Variants in ZNF236 observed in about 807,000 individuals in gnomAD.
ZNF236 encodes regulated by glucose.
ZNF236 carries 50 observed loss-of-function variants against 191.2 expected under a neutral mutation model. That is an observed-to-expected ratio of 0.26 (90% CI 0.21 to 0.33). The LOEUF is 0.33. ZNF236 is among the 10% of genes least tolerant of loss of function. ZNF236 has a pLI of 1.00. For synonymous variants in ZNF236, 907 were observed against 928.8 expected (o/e 0.98, Z 0.43); for missense variants, 1,754 against 2,374.5 (o/e 0.74, Z 5.43).
In ZNF236 at chr18:76,951,882, T is replaced by C. The variant is rs1968418449; in HGVS notation, c.4915-4103T>C. ...GTGGGATCATTAATTGGCCTCATTT[T>C]AGTATTGTTGTGTCTCAGAGAATAG... On this transcript the variant is annotated intron_variant, in intron 27 of 30. Transcript: ENST00000320610. Among the ~76,000 whole-genome samples the C allele has an allele frequency of 2.6e-5, 4 of 152,328 alleles. No homozygotes were observed. In the South Asian group the frequency reaches 8.3e-4, roughly 32 times the overall value.
At chr18:76,956,889 C>T (rs113511264) in intron 28 of ZNF236, among the ~76,000 whole-genome samples, 9 of 152,312 alleles carry the variant, frequency 5.9e-5, no homozygotes, top group African/African-American at 2.2e-4. Flanking sequence ...CTAGCCAGCA[C>T]CACTCCAGCC....
chr18:76,908,703 T>G, intron 14 of ZNF236, 130 bp downstream of exon 14: 1 of 1,182,668 alleles, frequency 8.5e-7, no homozygotes, highest in Non-Finnish European at 1.2e-6. Flanking sequence ...TGAAAGAGAT[T>G]GAATTGAGTA....
chr18:76,884,059 G>A (rs1881572383), intron 9 of ZNF236, among the ~76,000 whole-genome samples: 1 of 152,176 alleles, frequency 6.6e-6, no homozygotes, highest in African/African-American at 2.4e-5. Context: ...TGCTTTTATA[G>A]TTATCATGCA....
chr18:76,904,543 T>A (rs1977687743), intron 12 of ZNF236, 22 bp downstream of exon 12: 1 of 1,557,990 alleles, frequency 6.4e-7, no homozygotes, highest in Non-Finnish European at 8.7e-7. Context: ...GATTCACAGA[T>A]GGAAATTTAG....
intron 4 of ZNF236, 114 bp from the exon 5 acceptor site, chr18:76,871,587 T>C: frequency 8.5e-7 from 1 of 1,171,840 alleles, no homozygotes; most frequent in Non-Finnish European, 1.2e-6. Context: ...TGATTTATCA[T>C]TAAAACAGGT....
intron 6 of ZNF236, among the ~76,000 whole-genome samples, chr18:76,877,382 C>T (rs898259813): frequency 1.2e-4 from 19 of 152,118 alleles, no homozygotes; most frequent in Non-Finnish European, 2.6e-4. Context: ...ATGGCAGGCG[C>T]CTGTAATCCC....
chr18:76,861,469 G>A (rs1234175941), intron 3 of ZNF236, among the ~76,000 whole-genome samples: 2 of 152,196 alleles, frequency 1.3e-5, no homozygotes, highest in African/African-American at 4.8e-5. Flanking sequence ...GCGAAATAGT[G>A]TTGAGTTGAT....
intron 27 of ZNF236, among the ~76,000 whole-genome samples, chr18:76,954,580 C>G (rs1599424152): frequency 6.6e-6 from 1 of 152,210 alleles, no homozygotes; most frequent in African/African-American, 2.4e-5. Context: ...TTTACACTCA[C>G]AGATATTCAC....
At chr18:76,961,314 G>C (rs1968661309) in intron 30 of ZNF236, among the ~76,000 whole-genome samples, 1 of 151,822 alleles carries the variant, frequency 6.6e-6, no homozygotes, top group Non-Finnish European at 1.5e-5. Context: ...ATTTCATCCA[G>C]GTGGTTGCAG....
intron 11 of ZNF236, among the ~76,000 whole-genome samples, chr18:76,903,047 G>A (rs984044785): frequency 6.6e-6 from 1 of 152,208 alleles, no homozygotes; most frequent in Non-Finnish European, 1.5e-5. Context: ...GTAGTCTTAG[G>A]AGTTGTGCTG....
At chr18:76,935,093 A>C (rs1967958406) in intron 25 of ZNF236, among the ~76,000 whole-genome samples, 1 of 152,220 alleles carries the variant, frequency 6.6e-6, no homozygotes, top group Admixed American at 6.5e-5. Flanking sequence ...CTTCATTTTC[A>C]TGCTAAGAGT....
At chr18:76,930,394 G>A (rs1355142990) in intron 25 of ZNF236, among the ~76,000 whole-genome samples, 1 of 152,136 alleles carries the variant, frequency 6.6e-6, no homozygotes, top group African/African-American at 2.4e-5. Context: ...AAAGTATCTT[G>A]TCTTTACCAA....
intron 25 of ZNF236, among the ~76,000 whole-genome samples, chr18:76,935,445 C>G (rs200982794): frequency 3.0e-4 from 45 of 152,340 alleles, no homozygotes; most frequent in East Asian, 2.7e-3. Flanking sequence ...GCTGCACAGT[C>G]CCGGAACCTC....
intron 9 of ZNF236, among the ~76,000 whole-genome samples, chr18:76,882,671 T>C (rs1348827842): frequency 1.3e-5 from 2 of 152,212 alleles, no homozygotes; most frequent in East Asian, 3.9e-4. Flanking sequence ...ATAACATGAT[T>C]CTGAAGTTCT....
intron 3 of ZNF236, among the ~76,000 whole-genome samples, chr18:76,854,501 G>A (rs1975986696): frequency 6.6e-6 from 1 of 150,798 alleles, no homozygotes; most frequent in Admixed American, 6.6e-5. Flanking sequence ...GGCAGCTCAT[G>A]CTTGTAATCC....
At position 76,849,565 on chromosome 18, in the gene ZNF236, C is replaced by G. The variant is rs1212224881; in HGVS notation, c.95C>G (p.Ala32Gly). 1 of 1,611,536 alleles carries G rather than the reference C, an allele frequency of 6.2e-7. No individual in the cohort carries two copies. The highest frequency in any genetic ancestry group is 1.3e-5 in the African/African-American group (1 of 74,814). Reference sequence around the variant, plus strand: ...TTGAATGCGGAGAACACTAATTATGCCTATCAAGTTCCAAACTTCCATAAA... The same window carrying G: ...TTGAATGCGGAGAACACTAATTATGGCTATCAAGTTCCAAACTTCCATAAA... Reference protein sequence around the residue: ...LTLNAENTNYAYQVPNFHKCE... With the variant: ...LTLNAENTNYGYQVPNFHKCE... Residue 32 changes from alanine (A) to glycine (G), a missense_variant, in exon 2 of 31, where the codon GCC becomes GGC. By Grantham distance (60) the Ala-to-Gly change is moderately conservative. Coordinates refer to ENST00000320610, the MANE Select transcript of ZNF236 (RefSeq NM_001306089.2).
chr18:76,894,932 C>A, intron 9 of ZNF236, 81 bp from the exon 10 acceptor site: 1 of 1,554,502 alleles, frequency 6.4e-7, no homozygotes, highest in South Asian at 1.2e-5. Flanking sequence ...GTGCAGCTTT[C>A]TGTGGGGACC....
At position 76,971,917 on chromosome 18, in the gene ZNF236, A is replaced by G. The variant is rs1167609753; in HGVS notation, c.*3578A>G. 6.6e-6 allele frequency among the ~76,000 whole-genome samples: 1 copy of G among 152,224 alleles called. No individual in the cohort carries two copies. Among genetic ancestry groups the G allele is most frequent in the Non-Finnish European group, 1.5e-5 (1 of 68,042 alleles). ...TTTTTCTGAAGCTTATTTCAGAATT[A>G]ATACCGTGCCCTTCCCTGACTAAAA... On this transcript the variant is annotated 3_prime_UTR_variant, in exon 31 of 31. Coordinates refer to ENST00000320610, the MANE Select transcript of ZNF236 (RefSeq NM_001306089.2).
chr18:76,963,718 TG>T (rs370795035), intron 30 of ZNF236, among the ~76,000 whole-genome samples: 196 of 152,350 alleles, frequency 1.3e-3, no homozygotes, highest in African/African-American at 4.4e-3. Context: ...TTTGTTTTGT[TG>T]GTAATTTTTA....
Sources: gnomAD v4.1 joint callset for allele counts (sites outside exome capture counted in the v4.1 genomes callset) on GRCh38, gnomAD v4.1.1 for gene constraint, MANE v1.5 for transcripts, NCBI Gene and HGNC (gene_info 2026-07-23, HGNC 2026-07-21) for gene names.